Variants in GOLGB1 observed in about 807,000 individuals in gnomAD.
GOLGB1 encodes the protein golgin subfamily B member 1.
GOLGB1 carries 174 observed loss-of-function variants against 336.9 expected under a neutral mutation model. The observed-to-expected ratio is 0.52, with a 90% CI of 0.46 to 0.59. GOLGB1 has a LOEUF of 0.59. Ranked by LOEUF, GOLGB1 falls within the 20% of genes least tolerant of loss-of-function variation. The pLI is 0.00. For synonymous variants in GOLGB1, 1,208 were observed against 1,289.2 expected, an observed-to-expected ratio of 0.94 and a Z score of 1.35; for missense variants, 3,331 against 3,645.3, an observed-to-expected ratio of 0.91 and a Z score of 2.22.
At position 121,691,457 on chromosome 3, in the gene GOLGB1, T is replaced by C. The variant is rs765883541; in HGVS notation, c.7907A>G (p.His2636Arg). The C allele has an allele frequency of 1.1e-4, 184 of 1,613,748 alleles. No homozygotes were observed. Among genetic ancestry groups the C allele is most frequent in the Non-Finnish European group, 1.5e-4 (178 of 1,180,006 alleles). Residue 2636 changes from histidine to arginine, a missense_variant, in exon 14 of 22, where the codon CAT becomes CGT. Transcript: ENST00000614479. ...TTCTTCTTTTACTTTTAACTGGGCA[T>C]GATAGAGTCCTAAAGTACCTTCTTC... ...LQEEGTLGLYHAQLKVKEEEV... is the reference protein window; with the variant it reads ...LQEEGTLGLYRAQLKVKEEEV...
intron 17 of GOLGB1, among the ~76,000 whole-genome samples, chr3:121,675,287 A>G (rs982751038): frequency 3.3e-5 from 5 of 152,264 alleles, no homozygotes; most frequent in African/African-American, 1.2e-4. Flanking sequence ...AGAACCCAGT[A>G]TATAAATATA....
At chr3:121,689,096 C>T (rs1942141525) in intron 14 of GOLGB1, among the ~76,000 whole-genome samples, 1 of 151,898 alleles carries the variant, frequency 6.6e-6, no homozygotes, top group South Asian at 2.1e-4. Context: ...GCCAGCCGCC[C>T]CGTCCGGGAG....
At chr3:121,748,913 C>T in intron 1 of GOLGB1, 3 of 984,920 alleles carry the variant, frequency 3.0e-6, no homozygotes, top group Non-Finnish European at 2.4e-6. Flanking sequence ...TTTCACATTC[C>T]GGTTGTGCAG....
chr3:121,677,221 T>G (rs1940521707), intron 16 of GOLGB1, 64 bp downstream of exon 16: 1 of 1,328,538 alleles, frequency 7.5e-7, no homozygotes, highest in African/African-American at 1.5e-5. Flanking sequence ...AACAAAACCC[T>G]GCAATCATCA....
intron 20 of GOLGB1, among the ~76,000 whole-genome samples, chr3:121,665,363 G>A (rs77282632): frequency 0.067 from 10,130 of 152,228 alleles, 460 homozygotes; most frequent in Middle Eastern, 0.11. Flanking sequence ...TAAATTACTT[G>A]CCCATGGCGG....
chr3:121,723,591 T>C (rs572890631), intron 5 of GOLGB1, among the ~76,000 whole-genome samples: 14 of 152,334 alleles, frequency 9.2e-5, no homozygotes, highest in African/African-American at 3.4e-4. Context: ...CTAAGTAGTA[T>C]TCCAGTGTGT....
chr3:121,703,280 T>C (rs1289584112), intron 10 of GOLGB1, among the ~76,000 whole-genome samples: 1 of 152,230 alleles, frequency 6.6e-6, no homozygotes, highest in East Asian at 1.9e-4. Context: ...GAAATCTTCA[T>C]TCAATGTTTA....
chr3:121,748,190 A>C (rs1947500004), intron 1 of GOLGB1, among the ~76,000 whole-genome samples: 1 of 152,178 alleles, frequency 6.6e-6, no homozygotes, highest in Non-Finnish European at 1.5e-5. Flanking sequence ...AAAACAAGGA[A>C]GTATCTTTAC....
At position 121,722,398 on chromosome 3, in the gene GOLGB1, A is replaced by G. The variant is rs369362144; in HGVS notation, c.532-20T>C. ...AGAACTCTTATCAAACCGAAGACAT[A>G]GAAGGAAAAAAAATTATTTAAGCAA... On this transcript the variant is annotated intron_variant, in intron 5 of 21. Coordinates refer to ENST00000614479, the MANE Select transcript of GOLGB1 (RefSeq NM_001366282.2). 1 of 1,314,644 alleles carries G rather than the reference A, an allele frequency of 7.6e-7. No homozygotes were observed. Among genetic ancestry groups the G allele is most frequent in the Non-Finnish European group, 1.1e-6 (1 of 910,868 alleles). 81.4% of individuals were successfully genotyped at this position (1,314,644 alleles called of 1,614,324 possible). A position where few individuals can be genotyped will look rare whatever the true frequency, so the allele number is the denominator to read the frequency against.
chr3:121,677,087 C>T, intron 16 of GOLGB1, 57 bp from the exon 17 acceptor site: 1 of 1,601,936 alleles, frequency 6.2e-7, no homozygotes, highest in East Asian at 2.2e-5. Flanking sequence ...TGCTTAATTC[C>T]TTCCCTCTAG....
Position 121,693,823 on chromosome 3 carries a change from T to G in GOLGB1, c.6700A>C (p.Lys2234Gln). Residue 2234 changes from lysine (K) to glutamine (Q), a missense_variant, in exon 13 of 22, where the codon AAA becomes CAA. Coordinates refer to ENST00000614479, the MANE Select transcript of GOLGB1 (RefSeq NM_001366282.2). ...IQSKEEEIRL[K>Q]EDNCSVLKDQ... ...TTTAGAACACTGCAATTATCTTCTT[T>G]GAGTCTAATTTCTTCTTCTTTGCTT... The G allele has an allele frequency of 6.2e-7, 1 of 1,609,652 alleles. No homozygotes were observed. Among genetic ancestry groups the G allele is most frequent in the African/African-American group, 1.3e-5 (1 of 74,998 alleles).
intron 5 of GOLGB1, among the ~76,000 whole-genome samples, chr3:121,726,309 C>T (rs1243365919): frequency 1.3e-5 from 2 of 150,712 alleles, no homozygotes; most frequent in Non-Finnish European, 3.0e-5. Context: ...TGGTGCATGC[C>T]TGTAATCCCA....
chr3:121,677,930 A>T (rs1192081585), intron 15 of GOLGB1, among the ~76,000 whole-genome samples: 1 of 152,236 alleles, frequency 6.6e-6, no homozygotes, highest in East Asian at 1.9e-4. Context: ...AAGCACCTAA[A>T]CTTCTGATGA....
chr3:121,697,309 A>T lies in GOLGB1; in HGVS notation c.3214T>A (p.Ser1072Thr). The change falls in exon 13 of 22, where the codon TCT (serine) becomes ACT (threonine). Residue 1072 changes from serine to threonine, a missense_variant. Ser to Thr is a moderately conservative substitution (Grantham distance 58). Coordinates refer to ENST00000614479, the MANE Select transcript of GOLGB1 (RefSeq NM_001366282.2). Reference protein sequence around the residue: ...EIEIYLKQTISEKEVELQHIR... With the variant: ...EIEIYLKQTITEKEVELQHIR... ...TGCTGTAGTTCCACTTCTTTCTCAGATATTGTCTGTTTTAAATAAATTTCT... is the reference window on the plus strand; with the variant it reads ...TGCTGTAGTTCCACTTCTTTCTCAGTTATTGTCTGTTTTAAATAAATTTCT... 2 of 1,613,522 alleles carry T rather than the reference A, an allele frequency of 1.2e-6. No individual in the cohort carries two copies. The highest frequency in any genetic ancestry group is 1.7e-6 in the Non-Finnish European group (2 of 1,179,716).
At position 121,698,649 on chromosome 3, in the gene GOLGB1, T is replaced by G. The variant is rs763279177; in HGVS notation, c.1874A>C (p.Gln625Pro). 9 of 1,613,970 alleles carry G rather than the reference T, an allele frequency of 5.6e-6. No individual in the cohort carries two copies. Among genetic ancestry groups the G allele is most frequent in the Non-Finnish European group, 7.6e-6 (9 of 1,179,874 alleles). The change falls in exon 13 of 22, where the codon CAA becomes CCA. Residue 625 changes from glutamine (Q) to proline (P), a missense_variant. Transcript: ENST00000614479. Reference protein sequence around the residue: ...KMKVFLEDTGQDFPLMPNEES... With the variant: ...KMKVFLEDTGPDFPLMPNEES... ...TTCATTTGGCATTAAGGGAAAATCT[T>G]GCCCTGTATCTTCAAGAAATACTTT...
chr3:121,746,947 T>A (rs988493037), intron 1 of GOLGB1, among the ~76,000 whole-genome samples: 2 of 151,708 alleles, frequency 1.3e-5, no homozygotes, highest in African/African-American at 4.8e-5. Context: ...ATTTTCTGAA[T>A]AATCTCATTA....
At chr3:121,710,841 A>G (rs1944298018) in intron 10 of GOLGB1, among the ~76,000 whole-genome samples, 1 of 150,156 alleles carries the variant, frequency 6.7e-6, no homozygotes, top group Admixed American at 6.7e-5. Flanking sequence ...TGGGTGATGG[A>G]GTGACTCTGT....
rs770605469 is a variant in GOLGB1 at position 121,667,568 on chromosome 3, T to TG, written c.9461_9462insC (p.Glu3154AspfsTer4). The TG allele has an allele frequency of 1.4e-5, 22 of 1,614,020 alleles. No homozygotes were observed. Among genetic ancestry groups the TG allele is most frequent in the Non-Finnish European group, 1.8e-5 (21 of 1,179,860 alleles). ...CCAGCAGCTTCCTTAATTCATTCAC[T>TG]TCCTGTCTGGTGTTGCATAGCTGCT... On this transcript the variant is annotated frameshift_variant, in exon 20 of 22. Coordinates refer to ENST00000614479, the MANE Select transcript of GOLGB1 (RefSeq NM_001366282.2). LOFTEE classifies it high-confidence loss of function.
At chr3:121,672,902 T>C (rs555382489) in intron 17 of GOLGB1, among the ~76,000 whole-genome samples, 1 of 152,352 alleles carries the variant, frequency 6.6e-6, no homozygotes, top group African/African-American at 2.4e-5. Flanking sequence ...CTCCATCATA[T>C]GTTCTTGGTG....
Sources: allele counts gnomAD v4.1 joint callset (sites outside exome capture counted in the v4.1 genomes callset), GRCh38; gene constraint gnomAD v4.1.1; transcripts MANE v1.5; gene names NCBI Gene and HGNC (gene_info 2026-07-23, HGNC 2026-07-21).